MUC5AC: variants seen among roughly 807,000 people sequenced by gnomAD.
MUC5AC encodes mucin-5AC.
MUC5AC carries 158 observed loss-of-function variants against 169.7 expected under a neutral mutation model. That is an observed-to-expected ratio of 0.93 (90% CI 0.82 to 1.06). The LOEUF (loss-of-function observed/expected upper bound fraction) is 1.06. Among genes scored for constraint, MUC5AC ranks in the 50% least tolerant of loss-of-function variants. The probability of loss-of-function intolerance (pLI) is 0.00; values close to 1 mark genes in which losing one functional copy is unlikely to be tolerated. For missense variants in MUC5AC, 4,359 were observed against 3,089.9 expected (o/e 1.41, Z -9.74); for synonymous variants, 1,975 against 1,237.0 (o/e 1.60, Z -12.52).
chr11:1,174,642 A>G lies in MUC5AC; in HGVS notation c.2092+20A>G, dbSNP rs1860629867. ...TCTGCAGTGAGTGCCTGCCAAGCCC[A>G]GCCCCTTTCCCTCGCTGGGTGGCCG... On this transcript the variant is annotated intron_variant, in intron 17 of 48. Coordinates refer to ENST00000621226, the MANE Select transcript of MUC5AC (RefSeq NM_001304359.2). The G allele has an allele frequency of 1.1e-6, 1 of 948,614 alleles. No homozygotes were observed. The highest frequency in any genetic ancestry group is 1.6e-6 in the Non-Finnish European group (1 of 632,056). The allele number at this position is 948,614 out of a possible 1,614,324, so 58.8% of individuals were successfully genotyped here. A position where few individuals can be genotyped will look rare whatever the true frequency, so the allele number is the denominator to read the frequency against.
chr11:1,175,640 ACACT>A (rs1292775330), intron 19 of MUC5AC, among the ~76,000 whole-genome samples: 2 of 135,710 alleles, frequency 1.5e-5, no homozygotes, highest in South Asian at 2.5e-4. Context: ...CACTTATGCA[ACACT>A]CACACACCCA....
intron 26 of MUC5AC, among the ~76,000 whole-genome samples, chr11:1,179,814 C>G (rs1354229552): frequency 6.6e-6 from 1 of 152,120 alleles, no homozygotes; most frequent in Non-Finnish European, 1.5e-5. Flanking sequence ...ACTGCTGGAT[C>G]TGCTCTGACT....
At chr11:1,169,395 G>A (rs1483578581) in intron 15 of MUC5AC, among the ~76,000 whole-genome samples, 8 of 117,624 alleles carry the variant, frequency 6.8e-5, no homozygotes, top group South Asian at 2.9e-4. Flanking sequence ...CTCACTCGCC[G>A]ACTCAACCAT....
Position 1,187,947 on chromosome 11 carries a change from A to G in MUC5AC, c.9802A>G (p.Arg3268Gly). 1 of 755,260 alleles carries G rather than the reference A, an allele frequency of 1.3e-6. No individual in the cohort carries two copies. Among genetic ancestry groups the G allele is most frequent in the Non-Finnish European group, 2.4e-6 (1 of 412,124 alleles). The allele number at this position is 755,260 out of a possible 1,614,324, so 46.8% of individuals were successfully genotyped here. ...CTGCCGCCGACCTGAGGAGATCACC[A>G]GGCTCCAGTGCCGAGCCGAGAGCCA... ...KICRRPEEIT[R>G]LQCRAESHPE... Residue 3268 changes from arginine (R) to glycine (G), a missense_variant, in exon 31 of 49, where the codon AGG becomes GGG. Arg to Gly is a moderately radical substitution (Grantham distance 125). Transcript: ENST00000621226.
rs917438318 is a variant in MUC5AC at position 1,162,234 on chromosome 11, G to A, written c.473+66G>A. 7.0e-5 allele frequency: 110 copies of A among 1,566,736 alleles called. No homozygotes were observed. The African/African-American group carries it at 1.1e-3, about 16-fold the overall frequency. On this transcript the variant is annotated intron_variant, in intron 4 of 48. Transcript: ENST00000621226. ...TGGGGTGGCATTTCCGGGTGGTTGC[G>A]GGGTTTCGCGGTCCTGGGAGGGATG... is the stretch of plus-strand genomic sequence containing the variant.
At chr11:1,160,740 C>T (rs1214464590) in intron 2 of MUC5AC, 51 bp downstream of exon 2, 2 of 1,539,164 alleles carry the variant, frequency 1.3e-6, no homozygotes, top group Non-Finnish European at 1.8e-6. Flanking sequence ...TTCCACCCTC[C>T]ACCGTGTGGC....
rs1861011051 is a variant in MUC5AC, at chr11:1,188,576, C to T, written c.10431C>T (p.Ser3477=). The change falls in exon 31 of 49, where the codon AGC becomes AGT. Residue 3477 remains serine, a synonymous_variant. Transcript: ENST00000621226. ...QTSKTSAATS[S]TTSGSGTTPS... ...GCAAAACCTCAGCTGCTACAAGCAG[C>T]ACAACCTCCGGTTCTGGAACTACTC... The T allele has an allele frequency of 1.3e-6, 1 of 763,776 alleles. No individual in the cohort carries two copies. Among genetic ancestry groups the T allele is most frequent in the Admixed American group, 1.7e-5 (1 of 58,954 alleles). 47.3% of individuals were successfully genotyped at this position (763,776 alleles called of 1,614,324 possible).
chr11:1,165,454 G>C lies in MUC5AC; in HGVS notation c.1247+35G>C, dbSNP rs748525112. On this transcript the variant is annotated intron_variant, in intron 10 of 48. Transcript: ENST00000621226. ...AGCCCCCCTCCAGGCCACCAAGGATGTGCTATGGGACAGACCTGCTGGGGG... is the reference window on the plus strand; with the variant it reads ...AGCCCCCCTCCAGGCCACCAAGGATCTGCTATGGGACAGACCTGCTGGGGG... The C allele has an allele frequency of 3.1e-6, 5 of 1,602,580 alleles. No individual in the cohort carries two copies. The East Asian group carries it at 1.1e-4, about 36-fold the overall frequency.
In MUC5AC at chr11:1,199,006, C is replaced by T; in HGVS notation, c.16296+10C>T. 1 of 763,448 alleles carries T rather than the reference C, an allele frequency of 1.3e-6. No individual in the cohort carries two copies. The highest frequency in any genetic ancestry group is 2.4e-6 in the Non-Finnish European group (1 of 417,132). 47.3% of individuals were successfully genotyped at this position (763,448 alleles called of 1,614,324 possible). A position where few individuals can be genotyped will look rare whatever the true frequency, so the allele number is the denominator to read the frequency against. On this transcript the variant is annotated intron_variant, in intron 44 of 48. Transcript: ENST00000621226. ...CACACACTGCCCTGTGGTGAGCGCT[C>T]CCACCCTGCCCCGACCCTGCCCTGG...
At position 1,196,747 on chromosome 11, in the gene MUC5AC, G is replaced by T. The variant is rs544742543; in HGVS notation, c.15829+27G>T. 16 of 738,458 alleles carry T rather than the reference G, an allele frequency of 2.2e-5. No individual in the cohort carries two copies. In the South Asian group the frequency reaches 2.2e-4, roughly 10 times the overall value. The allele number at this position is 738,458 out of a possible 1,614,324, so 45.7% of individuals were successfully genotyped here. A position where few individuals can be genotyped will look rare whatever the true frequency, so the allele number is the denominator to read the frequency against. On this transcript the variant is annotated intron_variant, in intron 39 of 48. Coordinates refer to ENST00000621226, the MANE Select transcript of MUC5AC (RefSeq NM_001304359.2). ...TACGTGCCCCAGGCCGGGGCTGGGG[G>T]GTGTGGCAGGACTGGGCCTGTGACT...
chr11:1,195,949 A>G lies in MUC5AC; in HGVS notation c.15532A>G (p.Met5178Val), dbSNP rs1277428699. The change falls in exon 37 of 49, where the codon ATG (methionine) becomes GTG (valine). Residue 5178 changes from methionine to valine, a missense_variant. Coordinates refer to ENST00000621226, the MANE Select transcript of MUC5AC (RefSeq NM_001304359.2). ...GGGCTGCGTCTTTGACCGGTGCCAC[A>G]TGACGGACCTGGATGTGGTGTGCTC... Reference protein sequence around the residue: ...YEGCVFDRCHMTDLDVVCSSL... With the variant: ...YEGCVFDRCHVTDLDVVCSSL... The G allele has an allele frequency of 2.6e-6, 2 of 764,554 alleles. No homozygotes were observed. The highest frequency in any genetic ancestry group is 3.4e-5 in the African/African-American group (2 of 59,096). 47.4% of individuals were successfully genotyped at this position (764,554 alleles called of 1,614,324 possible).
chr11:1,162,824 C>G, intron 5 of MUC5AC, 131 bp from the exon 6 acceptor site: 1 of 1,049,588 alleles, frequency 9.5e-7, no homozygotes, highest in Non-Finnish European at 1.5e-6. Context: ...GTCTGTGCCC[C>G]CAGGATGGAG....
At chr11:1,176,061 G>T in intron 19 of MUC5AC, 90 bp from the exon 20 acceptor site, 1 of 398,108 alleles carries the variant, frequency 2.5e-6, no homozygotes. Flanking sequence ...CAATGTGCAC[G>T]CACATGGCAC....
chr11:1,169,169 C>T (rs1384540820), intron 15 of MUC5AC, 143 bp downstream of exon 15: 12 of 1,405,878 alleles, frequency 8.5e-6, no homozygotes, highest in East Asian at 5.3e-5. Context: ...CAAGGACAGG[C>T]TCATGGTGGG....
chr11:1,182,493 C>G lies in MUC5AC; in HGVS notation c.4348C>G (p.Pro1450Ala), dbSNP rs953154219. The G allele has an allele frequency of 1.3e-3, 500 of 398,700 alleles. 2 individuals are homozygous for G. Among genetic ancestry groups the G allele is most frequent in the African/African-American group, 9.2e-3 (447 of 48,746 alleles). The allele number at this position is 398,700 out of a possible 1,614,324, so 24.7% of individuals were successfully genotyped here. A position where few individuals can be genotyped will look rare whatever the true frequency, so the allele number is the denominator to read the frequency against. ...CCTGGGGCAGCGTGTGCAGTGCAGC[C>G]CGGATGTGGGGCTGACCTGTCGTAA... ...RALGQRVQCS[P>A]DVGLTCRNRE... Residue 1450 changes from proline (P) to alanine (A), a missense_variant, in exon 31 of 49, where the codon CCG becomes GCG. By Grantham distance (27) the Pro-to-Ala change is conservative (BLOSUM62 -1). Transcript: ENST00000621226.
At position 1,165,623 on chromosome 11, in the gene MUC5AC, A is replaced by G; in HGVS notation, c.1249A>G (p.Thr417Ala). 1.2e-6 allele frequency: 2 copies of G among 1,611,896 alleles called. No individual in the cohort carries two copies. The highest frequency in any genetic ancestry group is 8.5e-7 in the Non-Finnish European group (1 of 1,179,708). Residue 417 changes from threonine to alanine, a missense_variant and splice_region_variant, in exon 11 of 49, where the codon ACC becomes GCC. Transcript: ENST00000621226. ...ATYSTDCTNC[T>A]CSGGRWSCQE... is the part of the protein sequence containing the mutation. Reference sequence around the variant, plus strand: ...CGTGGCACCATCTCTTGCTCTCAGCACCTGCTCCGGAGGCCGGTGGAGCTG... The same window carrying G: ...CGTGGCACCATCTCTTGCTCTCAGCGCCTGCTCCGGAGGCCGGTGGAGCTG...
rs1590143470 is a variant in MUC5AC, at chr11:1,181,406, G to GCCCCCCCCCCCCCCTCCCCCC, written c.3960_3961insCCCCCCCCCCTCCCCCCCCCC (p.Pro1320_Thr1321insProProProLeuProProPro). The GCCCCCCCCCCCCCCTCCCCCC allele has an allele frequency of 2.6e-6, 1 of 387,068 alleles. No homozygotes were observed. The highest frequency in any genetic ancestry group is 4.5e-5 in the Admixed American group (1 of 22,244). The allele number at this position is 387,068 out of a possible 1,614,324, so 24.0% of individuals were successfully genotyped here. A position where few individuals can be genotyped will look rare whatever the true frequency, so the allele number is the denominator to read the frequency against. On this transcript the variant is annotated inframe_insertion, in exon 30 of 49. Transcript: ENST00000621226. ...ATTGAGAGGAGGGTCTACCCCTGCA[G>GCCCCCCCCCCCCCCTCCCCCC]CCCCACCACCCCTGTCCCCCCAACC...
rs1332991982 is a variant in MUC5AC at position 1,190,556 on chromosome 11, G to T, written c.12411G>T (p.Thr4137=). ...TSTTSAPTTS[T]TSAPTHRTTS... is the part of the protein sequence containing the mutation. ...CAACCTCTGCCCCTACAACCAGCAC[G>T]ACCTCAGCTCCTACACACAGAACGA... The change falls in exon 31 of 49, where the codon ACG becomes ACT. Residue 4137 remains threonine (T), a synonymous_variant. Coordinates refer to ENST00000621226, the MANE Select transcript of MUC5AC (RefSeq NM_001304359.2). 6 of 514,548 alleles carry T rather than the reference G, an allele frequency of 1.2e-5. No individual in the cohort carries two copies. The Admixed American group carries it at 1.7e-4, about 15-fold the overall frequency. The allele number at this position is 514,548 out of a possible 1,614,324, so 31.9% of individuals were successfully genotyped here.
rs1861295573 is a variant in MUC5AC, at chr11:1,197,034, A to G, written c.15861+126A>G. Reference sequence around the variant, plus strand: ...GGTCGGGGTGTCCTCTCTGTGTCAGAGGCCCAGAGAAAGGGCTGCGGGAGG... The same window carrying G: ...GGTCGGGGTGTCCTCTCTGTGTCAGGGGCCCAGAGAAAGGGCTGCGGGAGG... On this transcript the variant is annotated intron_variant, in intron 40 of 48. Coordinates refer to ENST00000621226, the MANE Select transcript of MUC5AC (RefSeq NM_001304359.2). The G allele has an allele frequency of 6.2e-6, 4 of 645,232 alleles. No individual in the cohort carries two copies. In the East Asian group the frequency reaches 1.1e-4, roughly 17 times the overall value. 40.0% of individuals were successfully genotyped at this position (645,232 alleles called of 1,614,324 possible).
Sources: allele counts gnomAD v4.1 joint callset (sites outside exome capture counted in the v4.1 genomes callset), GRCh38; gene constraint gnomAD v4.1.1; transcripts MANE v1.5; gene names NCBI Gene and HGNC (gene_info 2026-07-23, HGNC 2026-07-21).